Variants in GPR89A observed in about 807,000 individuals in gnomAD.
GPR89A encodes golgi pH regulator A, also known as G protein-coupled receptor 89A.
GPR89A carries 16 observed loss-of-function variants against 52.0 expected under a neutral mutation model. The ratio of observed to expected loss-of-function variants is 0.31; its 90% CI spans 0.21 to 0.47. The LOEUF is 0.47. GPR89A is among the 20% of genes least tolerant of loss of function. The pLI, the probability that GPR89A is intolerant of heterozygous loss-of-function variation, is 1.00. For missense variants in GPR89A, 135 were observed against 449.4 expected (o/e 0.30, Z 6.33); for synonymous variants, 55 against 150.9 (o/e 0.36, Z 4.66).
intron 5 of GPR89A, among the ~76,000 whole-genome samples, chr1:145,629,852 T>C (rs1474685178): frequency 1.6e-4 from 24 of 152,212 alleles, no homozygotes; most frequent in African/African-American, 5.3e-4. Flanking sequence ...AAAGGAATAT[T>C]GGAATTTTCA....
At chr1:145,640,974 C>T (rs868920297) in intron 7 of GPR89A, among the ~76,000 whole-genome samples, 1 of 151,316 alleles carries the variant, frequency 6.6e-6, no homozygotes, top group Non-Finnish European at 1.5e-5. Flanking sequence ...CACTACACAC[C>T]TATCAGAATA....
At chr1:145,652,221 A>G (rs1161720652) in intron 10 of GPR89A, among the ~76,000 whole-genome samples, 1 of 148,656 alleles carries the variant, frequency 6.7e-6, no homozygotes, top group African/African-American at 2.5e-5. Context: ...GTTGAATTTT[A>G]TCAAAGGCCT....
chr1:145,608,559 G>A, intron 1 of GPR89A: 2 of 587,188 alleles, frequency 3.4e-6, no homozygotes, highest in Non-Finnish European at 2.7e-6. Context: ...CTGGGCGCGC[G>A]GTGTGCGACG....
rs782628681 is a variant in GPR89A, at chr1:145,657,390, C to CA, written c.910-5925dup. On this transcript the variant is annotated intron_variant, in intron 10 of 13. Transcript: ENST00000313835. ...TGAATGACAGAGGGAGACTCTGTCTCAAAAAAAAAAAAAATTGATTCCATA... is the reference window on the plus strand; with the variant it reads ...TGAATGACAGAGGGAGACTCTGTCTCAAAAAAAAAAAAAAATTGATTCCATA... Among the ~76,000 whole-genome samples, 984 of 114,292 alleles carry CA rather than the reference C, an allele frequency of 8.6e-3. 8 individuals are homozygous for CA. The highest frequency in any genetic ancestry group is 0.027 in the African/African-American group (801 of 30,032). The allele number at this position is 114,292 out of a possible 152,430, so 75.0% of individuals were successfully genotyped here.
intron 1 of GPR89A, among the ~76,000 whole-genome samples, chr1:145,612,809 A>G (rs1648394386): frequency 6.6e-6 from 1 of 150,978 alleles, no homozygotes; most frequent in Admixed American, 6.6e-5. Context: ...TTTATTCCAC[A>G]TTCTTCTCTA....
chr1:145,659,142 T>C (rs1467796326), intron 10 of GPR89A, among the ~76,000 whole-genome samples: 1 of 152,088 alleles, frequency 6.6e-6, no homozygotes, highest in Non-Finnish European at 1.5e-5. Flanking sequence ...AGGGGTAGAA[T>C]TGCCGTGTCA....
intron 12 of GPR89A, among the ~76,000 whole-genome samples, chr1:145,667,901 T>G (rs2101848816): frequency 6.6e-6 from 1 of 152,334 alleles, no homozygotes; most frequent in Admixed American, 6.5e-5. Context: ...GTATTATTTC[T>G]GAGGGCTCTG....
chr1:145,611,846 G>T (rs1431911691), intron 1 of GPR89A, among the ~76,000 whole-genome samples: 4 of 151,480 alleles, frequency 2.6e-5, no homozygotes, highest in African/African-American at 9.7e-5. Flanking sequence ...ATAGCCAAAG[G>T]ATATCCTGGA....
chr1:145,609,476 A>G (rs1400683629), intron 1 of GPR89A, among the ~76,000 whole-genome samples: 1 of 152,194 alleles, frequency 6.6e-6, no homozygotes, highest in African/African-American at 2.4e-5. Context: ...GTATTAATGT[A>G]AAAAAACCTA....
intron 9 of GPR89A, chr1:145,646,893 G>C: frequency 2.5e-6 from 1 of 398,946 alleles, no homozygotes; most frequent in South Asian, 2.4e-5. Flanking sequence ...ACCTCTCAAA[G>C]CCTCAATTTT....
Position 145,608,090 on chromosome 1 carries a change from C to G in GPR89A, c.-44C>G, listed in dbSNP as rs375124623. ...CTGTGGCCCCAGCGTGCTGTGGCCT[C>G]GGGGAGTGGGAAGTGGAGGCAGGAG... On this transcript the variant is annotated 5_prime_UTR_variant, in exon 1 of 14. Transcript: ENST00000313835. 2.0e-5 allele frequency: 32 copies of G among 1,612,656 alleles called. No individual in the cohort carries two copies. The highest frequency in any genetic ancestry group is 2.7e-5 in the Non-Finnish European group (32 of 1,179,060).
intron 10 of GPR89A, among the ~76,000 whole-genome samples, chr1:145,661,987 G>A (rs1652235088): frequency 6.6e-6 from 1 of 152,018 alleles, no homozygotes; most frequent in South Asian, 2.1e-4. Context: ...TGTGGTCTAA[G>A]AACATATTTT....
rs587773018 is a variant in GPR89A, at chr1:145,621,420, A to G, written c.207-1634A>G. 2.6e-5 allele frequency among the ~76,000 whole-genome samples: 4 copies of G among 152,226 alleles called. No individual in the cohort carries two copies. In the South Asian group the frequency reaches 6.2e-4, roughly 24 times the overall value. ...TTAAAGCTAAATTTATGACCTACCC[A>G]TAGCAACTTTCTAGAATTCTGTTTT... On this transcript the variant is annotated intron_variant, in intron 3 of 13. Coordinates refer to ENST00000313835, the MANE Select transcript of GPR89A (RefSeq NM_001097612.2).
intron 7 of GPR89A, among the ~76,000 whole-genome samples, chr1:145,637,861 G>A (rs1300902544): frequency 6.6e-6 from 1 of 151,918 alleles, no homozygotes; most frequent in Non-Finnish European, 1.5e-5. Context: ...GAATTGAGAT[G>A]ACAGAAGAAT....
At chr1:145,659,142 T>A (rs1467796326) in intron 10 of GPR89A, among the ~76,000 whole-genome samples, 11 of 152,088 alleles carry the variant, frequency 7.2e-5, no homozygotes, top group Admixed American at 1.3e-4. Context: ...AGGGGTAGAA[T>A]TGCCGTGTCA....
At chr1:145,617,749 A>G (rs1480844889) in intron 2 of GPR89A, among the ~76,000 whole-genome samples, 1 of 152,082 alleles carries the variant, frequency 6.6e-6, no homozygotes, top group African/African-American at 2.4e-5. Flanking sequence ...TAAGCTTTGG[A>G]TTCAGAAGAT....
chr1:145,658,657 A>C (rs1651980135), intron 10 of GPR89A, among the ~76,000 whole-genome samples: 2 of 150,620 alleles, frequency 1.3e-5, no homozygotes, highest in African/African-American at 2.4e-5. Context: ...ATGGCTGAAT[A>C]ATATCTATTT....
At chr1:145,621,788 A>G (rs1282415277) in intron 3 of GPR89A, among the ~76,000 whole-genome samples, 3 of 152,100 alleles carry the variant, frequency 2.0e-5, no homozygotes, top group African/African-American at 7.2e-5. Flanking sequence ...TTCTCCAGAG[A>G]TGATATACAA....
At chr1:145,669,206 G>C (rs1226862850) in intron 12 of GPR89A, among the ~76,000 whole-genome samples, 4 of 149,792 alleles carry the variant, frequency 2.7e-5, no homozygotes, top group Admixed American at 1.3e-4. Flanking sequence ...TAAAAATCCA[G>C]GAGCTTTTGA....
Sources: allele counts gnomAD v4.1 joint callset (sites outside exome capture counted in the v4.1 genomes callset), GRCh38; gene constraint gnomAD v4.1.1; transcripts MANE v1.5; gene names NCBI Gene and HGNC (gene_info 2026-07-23, HGNC 2026-07-21).